The following WFS1 variants were observed in gnomAD, a reference collection of about 807,000 sequenced individuals.
The protein encoded by WFS1 is wolframin ER transmembrane glycoprotein, also known as wolframin.
Under a neutral mutation model 68.5 loss-of-function variants are expected in WFS1, and 90 were observed. The observed-to-expected ratio is 1.31, with a 90% confidence interval of 1.11 to 1.56. WFS1 has a LOEUF of 1.56. WFS1 is among the 40% of genes most tolerant of loss of function. The pLI is 0.00. For missense variants in WFS1, 1,767 were observed against 1,232.6 expected (o/e 1.43, Z -6.49); for synonymous variants, 860 against 540.7 (o/e 1.59, Z -8.19).
chr4:6,286,952 G>C, intron 2 of WFS1, 141 bp from the exon 3 acceptor site: 3 of 784,174 alleles, frequency 3.8e-6, no homozygotes, highest in Non-Finnish European at 6.6e-6. Context: ...GTCTGTGTCT[G>C]TGTCTCTCTG....
In WFS1 at chr4:6,297,614, G is replaced by A. The variant is rs760391044; in HGVS notation, c.861+2425G>A. On this transcript the variant is annotated intron_variant, in intron 7 of 7. Transcript: ENST00000226760. ...CCCTTCCCCAGCCTGCCTTCTTCAC[G>A]GGTCCGCTGGGCCATCGGTGTGGTG... Among the ~76,000 whole-genome samples the A allele has an allele frequency of 4.6e-4, 70 of 152,122 alleles. 1 individual carries two copies. Among genetic ancestry groups the A allele is most frequent in the Admixed American group, 1.8e-3 (28 of 15,276 alleles).
chr4:6,281,340 AGGAATT>A (rs1221391804), intron 2 of WFS1, among the ~76,000 whole-genome samples: 2 of 152,148 alleles, frequency 1.3e-5, no homozygotes, highest in African/African-American at 2.4e-5. Context: ...AAGACCCATG[AGGAATT>A]GGCTGTGGTG....
At chr4:6,284,173 C>G (rs1004943184) in intron 2 of WFS1, among the ~76,000 whole-genome samples, 1 of 152,028 alleles carries the variant, frequency 6.6e-6, no homozygotes, top group African/African-American at 2.4e-5. Flanking sequence ...GGTTCGAGAC[C>G]AGCCTGGCCA....
intron 1 of WFS1, among the ~76,000 whole-genome samples, chr4:6,272,886 C>G (rs956610653): frequency 1.3e-5 from 2 of 152,214 alleles, no homozygotes; most frequent in African/African-American, 2.4e-5. Flanking sequence ...TGTACGAGGT[C>G]ACGTTTACCA....
At chr4:6,300,235 T>C (rs1730829182) in intron 7 of WFS1, among the ~76,000 whole-genome samples, 1 of 152,116 alleles carries the variant, frequency 6.6e-6, no homozygotes, top group Non-Finnish European at 1.5e-5. Context: ...ACATCCTTGC[T>C]GTAGTGCAGA....
At chr4:6,272,323 G>C (rs1278744452) in intron 1 of WFS1, among the ~76,000 whole-genome samples, 1 of 152,250 alleles carries the variant, frequency 6.6e-6, no homozygotes, top group East Asian at 1.9e-4. Context: ...CAGGTGTGTG[G>C]TGGGGGCTTG....
At position 6,287,096 on chromosome 4, in the gene WFS1, C is replaced by T. The variant is rs1730331504; in HGVS notation, c.236C>T (p.Pro79Leu). The stretch of plus-strand genomic sequence containing the variant: ...GTTTGTTTCTTCTGTGTTAAAGGGC[C>T]TACAAAGGGAGACATGGAAATCCCC... ...RSRERADGTG[P>L]TKGDMEIPFE... is the part of the protein sequence containing the mutation. The change falls in exon 3 of 8, where the codon CCT becomes CTT. Residue 79 changes from proline to leucine, a missense_variant. Transcript: ENST00000226760. The surrounding 1 kb of genome is among the most constrained non-coding windows in gnomAD (Gnocchi z 6.4). The T allele has an allele frequency of 6.4e-7, 1 of 1,556,238 alleles. No individual in the cohort carries two copies. The highest frequency in any genetic ancestry group is 8.7e-7 in the Non-Finnish European group (1 of 1,148,532).
intron 1 of WFS1, among the ~76,000 whole-genome samples, chr4:6,271,677 C>G (rs1320568443): frequency 6.6e-6 from 1 of 152,182 alleles, no homozygotes; most frequent in Non-Finnish European, 1.5e-5. Flanking sequence ...TCTCCTGGCT[C>G]CTGAGCCTCA....
intron 1 of WFS1, among the ~76,000 whole-genome samples, chr4:6,276,919 C>T (rs79035843): frequency 0.042 from 6,349 of 152,336 alleles, 193 homozygotes; most frequent in Middle Eastern, 0.082. Context: ...GGCTCTGTTA[C>T]ACTTCTCTTC....
chr4:6,284,399 G>A (rs1730252652), intron 2 of WFS1, among the ~76,000 whole-genome samples: 1 of 152,158 alleles, frequency 6.6e-6, no homozygotes, highest in African/African-American at 2.4e-5. Context: ...AAAAGAGAGA[G>A]AGATTCTGTA....
At chr4:6,299,616 T>C (rs1578606483) in intron 7 of WFS1, among the ~76,000 whole-genome samples, 1 of 27,722 alleles carries the variant, frequency 3.6e-5, no homozygotes, top group Admixed American at 5.5e-4. Context: ...TGCAGGTAGG[T>C]TGCGTGTGTG....
intron 2 of WFS1, among the ~76,000 whole-genome samples, chr4:6,282,039 C>T (rs1363608199): frequency 1.3e-5 from 2 of 152,212 alleles, no homozygotes; most frequent in Non-Finnish European, 2.9e-5. Flanking sequence ...CTTGCCTGGC[C>T]CAGGGCAGGC....
rs1235562712 is a variant in WFS1 at position 6,301,084 on chromosome 4, C to A, written c.1289C>A (p.Ser430Ter). Residue 430 changes from serine to a stop codon, truncating the protein, a stop_gained, in exon 8 of 8, where the codon TCG (serine) becomes TAG (stop). Transcript: ENST00000226760. LOFTEE classifies it high-confidence loss of function. ...PIASKDCIPC[S>*]ELAVITGFFT... ...GCCAGCAAGGACTGCATCCCCTGCT[C>A]GGAGCTGGCTGTCATCACCGGCTTC... 2.0e-5 allele frequency: 32 copies of A among 1,613,952 alleles called. No individual in the cohort carries two copies. Among genetic ancestry groups the A allele is most frequent in the Admixed American group, 6.7e-5 (4 of 60,004 alleles).
At chr4:6,290,960 A>G (rs1039226054) in intron 4 of WFS1, among the ~76,000 whole-genome samples, 7 of 152,140 alleles carry the variant, frequency 4.6e-5, no homozygotes, top group Admixed American at 6.5e-5. Context: ...TCCCGCCAGC[A>G]TGTAGGGGGC....
At chr4:6,286,962 G>C (rs1730327870) in intron 2 of WFS1, 131 bp from the exon 3 acceptor site, 8 of 828,676 alleles carry the variant, frequency 9.7e-6, no homozygotes, top group Middle Eastern at 4.4e-4. Context: ...GTGTCTCTCT[G>C]TACTCCTGGC....
chr4:6,286,401 A>G (rs1043188763), intron 2 of WFS1, among the ~76,000 whole-genome samples: 2 of 152,150 alleles, frequency 1.3e-5, no homozygotes, highest in Non-Finnish European at 2.9e-5. Flanking sequence ...CTGAAACAAA[A>G]AGCAGGCCCT....
chr4:6,285,492 G>A (rs1325739332), intron 2 of WFS1, among the ~76,000 whole-genome samples: 1 of 152,138 alleles, frequency 6.6e-6, no homozygotes, highest in South Asian at 2.1e-4. Flanking sequence ...ACGAGAGCTT[G>A]TGAAGAATCC....
Position 6,283,047 on chromosome 4 carries a change from G to C in WFS1, c.233-4046G>C, listed in dbSNP as rs1198165717. The stretch of plus-strand genomic sequence containing the variant: ...GCTGGCGGAGCCTGTGATAGACGAT[G>C]GACGATGACCCAGGTTCCAGCAAGA... On this transcript the variant is annotated intron_variant, in intron 2 of 7. Coordinates refer to ENST00000226760, the MANE Select transcript of WFS1 (RefSeq NM_006005.3). This position sits in a 1 kb window ranked among gnomAD's most constrained non-coding sequence, Gnocchi z 5.0. 6.6e-6 allele frequency among the ~76,000 whole-genome samples: 1 copy of C among 152,220 alleles called. No individual in the cohort carries two copies. Among genetic ancestry groups the C allele is most frequent in the Non-Finnish European group, 1.5e-5 (1 of 68,038 alleles).
Position 6,289,012 on chromosome 4 carries a change from C to T in WFS1, c.341C>T (p.Ala114Val). 1.2e-6 allele frequency: 2 copies of T among 1,607,804 alleles called. No homozygotes were observed. The highest frequency in any genetic ancestry group is 2.2e-5 in the East Asian group (1 of 44,696). Residue 114 changes from alanine (A) to valine (V), a missense_variant, in exon 4 of 8, where the codon GCC (alanine) becomes GTC (valine). Physicochemically the swap from Ala to Val is moderately conservative, Grantham distance 64. Coordinates refer to ENST00000226760, the MANE Select transcript of WFS1 (RefSeq NM_006005.3). ...GTGGGGAAGCACTACCTGCAGTTGGCCGGCGACACGGATGAAGAACTCAAC... is the reference window on the plus strand; with the variant it reads ...GTGGGGAAGCACTACCTGCAGTTGGTCGGCGACACGGATGAAGAACTCAAC... ...TEVGKHYLQL[A>V]GDTDEELNSC...
Sources: allele counts gnomAD v4.1 joint callset (sites outside exome capture counted in the v4.1 genomes callset), GRCh38; gene constraint gnomAD v4.1.1; non-coding constraint Gnocchi (gnomAD v3.1); transcripts MANE v1.5; gene names NCBI Gene and HGNC (gene_info 2026-07-23, HGNC 2026-07-21).